PCDH7: variants seen among roughly 807,000 people sequenced by gnomAD.
The protein encoded by PCDH7 is protocadherin-7.
PCDH7 carries 17 observed loss-of-function variants against 58.9 expected under a neutral mutation model. The ratio of observed to expected loss-of-function variants is 0.29; its 90% CI spans 0.20 to 0.43. The LOEUF (loss-of-function observed/expected upper bound fraction) is 0.43, where lower values mean the gene tolerates loss of function less well. PCDH7 is among the 20% of genes least tolerant of loss of function. PCDH7 has a pLI of 1.00. For synonymous variants in PCDH7, 664 were observed against 616.4 expected (o/e 1.08, Z -1.14); for missense variants, 1,274 against 1,441.0 (o/e 0.88, Z 1.88).
At chr4:30,842,198 C>A (rs558276271) in intron 1 of PCDH7, among the ~76,000 whole-genome samples, 1 of 152,180 alleles carries the variant, frequency 6.6e-6, no homozygotes, top group South Asian at 2.1e-4. Flanking sequence ...GAAATAATTT[C>A]TTTATTACTT....
intron 3 of PCDH7, among the ~76,000 whole-genome samples, chr4:31,137,465 T>G (rs1163748529): frequency 6.6e-6 from 1 of 152,168 alleles, no homozygotes; most frequent in East Asian, 1.9e-4. Context: ...ATGCCTGTAG[T>G]GCCAGCTACT....
intron 3 of PCDH7, among the ~76,000 whole-genome samples, chr4:31,094,134 G>A (rs1039374313): frequency 5.3e-5 from 8 of 152,088 alleles, no homozygotes; most frequent in Non-Finnish European, 1.2e-4. Context: ...AATAAAATAC[G>A]TGAAAACCAT....
chr4:30,778,745 C>G (rs1722401246), intron 1 of PCDH7, among the ~76,000 whole-genome samples: 1 of 152,088 alleles, frequency 6.6e-6, no homozygotes, highest in Non-Finnish European at 1.5e-5. Context: ...CTGCATTTCA[C>G]AACTGGGTTG....
chr4:30,956,396 A>G (rs918473619), intron 3 of PCDH7, among the ~76,000 whole-genome samples: 12 of 152,184 alleles, frequency 7.9e-5, no homozygotes, highest in African/African-American at 2.7e-4. Flanking sequence ...TTGTTAGCCA[A>G]TGCTGTAGTG....
intron 1 of PCDH7, among the ~76,000 whole-genome samples, chr4:30,753,720 A>G (rs1454089462): frequency 6.6e-6 from 1 of 152,346 alleles, no homozygotes; most frequent in Non-Finnish European, 1.5e-5. Flanking sequence ...CTTACCTTCT[A>G]ATTTTGAATG....
At chr4:30,874,689 A>G (rs1208858725) in intron 1 of PCDH7, among the ~76,000 whole-genome samples, 1 of 150,412 alleles carries the variant, frequency 6.6e-6, no homozygotes, top group Non-Finnish European at 1.5e-5. Context: ...TTAAAGTATA[A>G]TAATAATAAA....
chr4:31,132,197 T>A (rs188989897), intron 3 of PCDH7, among the ~76,000 whole-genome samples: 1 of 152,278 alleles, frequency 6.6e-6, no homozygotes. Context: ...TCTTCTCATT[T>A]ACTTTTAGAA....
intron 3 of PCDH7, among the ~76,000 whole-genome samples, chr4:31,060,252 T>G (rs1757580077): frequency 6.6e-6 from 1 of 151,836 alleles, no homozygotes; most frequent in African/African-American, 2.4e-5. Flanking sequence ...CTTTGTATGA[T>G]AATAAATTAC....
intron 2 of PCDH7, among the ~76,000 whole-genome samples, chr4:30,924,063 G>A (rs957665383): frequency 1.1e-4 from 17 of 152,106 alleles, no homozygotes; most frequent in Non-Finnish European, 1.9e-4. Flanking sequence ...TAATTACGCA[G>A]TAGTCTTCAG....
intron 1 of PCDH7, among the ~76,000 whole-genome samples, chr4:30,865,291 G>GCTTAAGAGGAATTA (rs1320223611): frequency 1.3e-5 from 2 of 152,048 alleles, no homozygotes; most frequent in Non-Finnish European, 2.9e-5. Flanking sequence ...CATTTGTCAT[G>GCTTAAGAGGAATTA]CTTAAGAGGA....
chr4:31,139,717 T>C (rs1720023301), intron 3 of PCDH7, among the ~76,000 whole-genome samples: 1 of 152,238 alleles, frequency 6.6e-6, no homozygotes, highest in Non-Finnish European at 1.5e-5. Context: ...ATCATTGGTA[T>C]TTCTTTGGAA....
At chr4:30,982,330 G>T (rs1299307230) in intron 3 of PCDH7, among the ~76,000 whole-genome samples, 3 of 152,138 alleles carry the variant, frequency 2.0e-5, no homozygotes, top group Admixed American at 6.5e-5. Flanking sequence ...TCTCCTTGAG[G>T]AGTCTTCACA....
At chr4:31,068,659 T>A (rs920825496) in intron 3 of PCDH7, among the ~76,000 whole-genome samples, 1 of 152,002 alleles carries the variant, frequency 6.6e-6, no homozygotes, top group African/African-American at 2.4e-5. Context: ...TGTCCCCTCA[T>A]AACTGTCGAG....
chr4:30,887,559 T>G (rs1163103445), intron 1 of PCDH7, among the ~76,000 whole-genome samples: 2 of 152,192 alleles, frequency 1.3e-5, no homozygotes, highest in Non-Finnish European at 2.9e-5. Flanking sequence ...AAGATAATAC[T>G]TGATAAAATA....
At chr4:30,819,406 C>G (rs1220536034) in intron 1 of PCDH7, among the ~76,000 whole-genome samples, 1 of 152,068 alleles carries the variant, frequency 6.6e-6, no homozygotes, top group East Asian at 1.9e-4. Flanking sequence ...TATATATACA[C>G]TTTTTCATTC....
intron 1 of PCDH7, among the ~76,000 whole-genome samples, chr4:30,757,833 A>G (rs1271841377): frequency 6.6e-6 from 1 of 152,208 alleles, no homozygotes; most frequent in East Asian, 1.9e-4. Flanking sequence ...GTAGGCTCTC[A>G]ATAAAAGCTT....
chr4:31,060,717 CTTT>C (rs1005431447), intron 3 of PCDH7, among the ~76,000 whole-genome samples: 7 of 151,644 alleles, frequency 4.6e-5, no homozygotes, highest in Admixed American at 2.6e-4. Context: ...GCTTATAATT[CTTT>C]TAAGTTAGTG....
intron 1 of PCDH7, among the ~76,000 whole-genome samples, chr4:30,801,403 T>G (rs1054673079): frequency 6.6e-6 from 1 of 151,882 alleles, no homozygotes; most frequent in African/African-American, 2.4e-5. Flanking sequence ...TGATAAGCCA[T>G]GGAAGGAGAG....
At chr4:30,833,715 G>A (rs1730104638) in intron 1 of PCDH7, among the ~76,000 whole-genome samples, 1 of 152,090 alleles carries the variant, frequency 6.6e-6, no homozygotes, top group Non-Finnish European at 1.5e-5. Flanking sequence ...AACAATACAA[G>A]GAAAGTACTT....
Sources: gnomAD v4.1 joint callset for allele counts (sites outside exome capture counted in the v4.1 genomes callset) on GRCh38, gnomAD v4.1.1 for gene constraint, MANE v1.5 for transcripts, NCBI Gene and HGNC (gene_info 2026-07-23, HGNC 2026-07-21) for gene names.